The following DMKN variants were observed in gnomAD, a reference collection of about 807,000 sequenced individuals.
DMKN encodes the protein dermokine.
A neutral mutation model predicts 67.6 loss-of-function variants in DMKN; 58 were observed. That is an observed-to-expected ratio of 0.86 (90% CI 0.69 to 1.07). DMKN has a LOEUF of 1.07. DMKN is among the 50% of genes least tolerant of loss of function. DMKN has a pLI of 0.00. For synonymous variants in DMKN, 240 were observed against 232.3 expected (o/e 1.03, Z -0.30); for missense variants, 596 against 601.5 (o/e 0.99, Z 0.10).
intron 5 of DMKN, chr19:35,510,615 C>T: frequency 7.0e-7 from 1 of 1,431,394 alleles, no homozygotes; most frequent in Non-Finnish European, 9.2e-7. Flanking sequence ...GCCGTAGCTG[C>T]CTTGGTCACC....
At chr19:35,498,492 A>C in intron 15 of DMKN, 1 of 619,612 alleles carries the variant, frequency 1.6e-6, no homozygotes, top group Non-Finnish European at 2.8e-6. Flanking sequence ...TACAGGCATG[A>C]GCCACTGCAC....
chr19:35,498,988 G>A, intron 13 of DMKN, 91 bp from the exon 14 acceptor site: 1 of 1,593,422 alleles, frequency 6.3e-7, no homozygotes, highest in Non-Finnish European at 8.6e-7. Context: ...CAGCAGCAAG[G>A]GCAGGCTCAC....
intron 7 of DMKN, chr19:35,506,451 A>C: frequency 1.6e-6 from 1 of 639,768 alleles, no homozygotes. Flanking sequence ...TGTCCCCAAA[A>C]CACCTCAAGC....
chr19:35,512,872 A>C, intron 1 of DMKN, 82 bp from the exon 2 acceptor site: 2 of 1,537,572 alleles, frequency 1.3e-6, no homozygotes. Context: ...TAAAGAGACC[A>C]GGAGAGAGAC....
At chr19:35,507,404 G>T in intron 7 of DMKN, 6 of 1,493,546 alleles carry the variant, frequency 4.0e-6, no homozygotes, top group Non-Finnish European at 5.5e-6. Flanking sequence ...CAGGATCTTA[G>T]CATGCTTCAC....
intron 9 of DMKN, 74 bp downstream of exon 9, chr19:35,505,644 T>C (rs2069323400): frequency 6.3e-7 from 1 of 1,597,240 alleles, no homozygotes; most frequent in Admixed American, 1.7e-5. Context: ...AGCATCACTG[T>C]TTCCCCAGCT....
chr19:35,507,933 G>A (rs967671618), intron 7 of DMKN: 3 of 474,948 alleles, frequency 6.3e-6, no homozygotes, highest in African/African-American at 3.9e-5. Context: ...AGTAAAAAAA[G>A]GAGATGCTAG....
In DMKN at chr19:35,506,006, T is replaced by C. The variant is rs772548018; in HGVS notation, c.1039-20A>G. On this transcript the variant is annotated intron_variant, in intron 7 of 15. Transcript: ENST00000339686. ...AGAGTTCTATGGAACCAAGGAGATATGGGATGAGAGAAGAACCCACTTTGT... is the reference window on the plus strand; with the variant it reads ...AGAGTTCTATGGAACCAAGGAGATACGGGATGAGAGAAGAACCCACTTTGT... 4.7e-5 allele frequency: 76 copies of C among 1,614,022 alleles called. 1 individual carries two copies. The South Asian group carries it at 6.7e-4, about 14-fold the overall frequency.
intron 9 of DMKN, among the ~76,000 whole-genome samples, chr19:35,504,552 T>C (rs558753821): frequency 1.5e-5 from 2 of 131,512 alleles, no homozygotes; most frequent in African/African-American, 6.0e-5. Flanking sequence ...CACTCCAACC[T>C]GGGTGACAGA....
chr19:35,511,286 C>A, intron 5 of DMKN, 125 bp downstream of exon 5: 2 of 1,521,960 alleles, frequency 1.3e-6, no homozygotes, highest in Non-Finnish European at 8.9e-7. Flanking sequence ...CTCAGGGTGA[C>A]GACTATCAGC....
intron 8 of DMKN, 83 bp downstream of exon 8, chr19:35,505,856 G>A: frequency 6.2e-7 from 1 of 1,613,694 alleles, no homozygotes; most frequent in South Asian, 1.1e-5. Context: ...TGTTGGTTTA[G>A]AAAGAGGACC....
rs747631646 is a variant in DMKN, at chr19:35,513,220, C to A, written c.256G>T (p.Val86Phe). 5 of 1,614,262 alleles carry A rather than the reference C, an allele frequency of 3.1e-6. No individual in the cohort carries two copies. The highest frequency in any genetic ancestry group is 4.5e-5 in the East Asian group (2 of 44,886). The change falls in exon 1 of 16, where the codon GTT (valine) becomes TTT (phenylalanine). Residue 86 changes from valine (V) to phenylalanine (F), a missense_variant. By Grantham distance (50) the Val-to-Phe change is conservative. Coordinates refer to ENST00000339686, the MANE Select transcript of DMKN (RefSeq NM_033317.5). ...GCATCTGCTACGCCAAAGCCTGGAA[C>A]CTGCCTGACTCCAGTGCCAACTGCT... Reference protein sequence around the residue: ...REAVGTGVRQVPGFGVADALG... With the variant: ...REAVGTGVRQFPGFGVADALG...
intron 15 of DMKN, chr19:35,498,384 G>C (rs11672060): frequency 0.074 from 23,533 of 316,810 alleles, 1,222 homozygotes; most frequent in East Asian, 0.18. Context: ...GTTTTGTTTT[G>C]TTCTTTTAGA....
rs1300926332 is a variant in DMKN, at chr19:35,512,455, T to C, written c.650A>G (p.Tyr217Cys). 8 of 1,614,024 alleles carry C rather than the reference T, an allele frequency of 5.0e-6. 1 individual carries two copies. Among genetic ancestry groups the C allele is most frequent in the Non-Finnish European group, 6.8e-6 (8 of 1,179,958 alleles). ...CTGGTTGCTGGCTCTCACTGAACCA[T>C]AGCCAGGCTGGGCCACAGCTCCCTG... ...NTQGAVAQPG[Y>C]GSVRASNQNE... The change falls in exon 3 of 16, where the codon TAT becomes TGT. Residue 217 changes from tyrosine to cysteine, a missense_variant. Coordinates refer to ENST00000339686, the MANE Select transcript of DMKN (RefSeq NM_033317.5).
In DMKN at chr19:35,513,419, C is replaced by A. The variant is rs2146258318; in HGVS notation, c.57G>T (p.Gly19=). ...CTCCGCTCTGCAGGGGGCCAGCCTC[C>A]CCACTGCCCAGGCAGAGGGCCAGCA... ...CLLLALCLGS[G]EAGPLQSGEE... The change falls in exon 1 of 16, where the codon GGG becomes GGT. Residue 19 remains glycine, a synonymous_variant. Transcript: ENST00000339686. 6.2e-7 allele frequency: 1 copy of A among 1,604,132 alleles called. No homozygotes were observed.
intron 7 of DMKN, chr19:35,509,444 G>C (rs2070296659): frequency 6.5e-6 from 1 of 154,132 alleles, no homozygotes; most frequent in African/African-American, 2.4e-5. Flanking sequence ...GCGGCTAACA[G>C]GCTCAGCCCC....
intron 9 of DMKN, among the ~76,000 whole-genome samples, chr19:35,504,596 A>AAAAAG (rs2069084846): frequency 6.8e-6 from 1 of 147,764 alleles, no homozygotes; most frequent in African/African-American, 2.5e-5. Context: ...AAAAAAAAAC[A>AAAAAG]AAAGAAAGAA....
chr19:35,503,278 C>T (rs566508721), intron 9 of DMKN: 79 of 1,493,174 alleles, frequency 5.3e-5, no homozygotes, highest in Admixed American at 2.0e-4. Flanking sequence ...ACAGCGGAGA[C>T]GTAAGAAAGG....
intron 1 of DMKN, 107 bp downstream of exon 1, chr19:35,512,943 G>A (rs2071066129): frequency 1.3e-6 from 2 of 1,546,330 alleles, no homozygotes; most frequent in Non-Finnish European, 1.7e-6. Context: ...AGCTGCCCCA[G>A]AAGCCTGCAA....
Sources: gnomAD v4.1 joint callset for allele counts (sites outside exome capture counted in the v4.1 genomes callset) on GRCh38, gnomAD v4.1.1 for gene constraint, MANE v1.5 for transcripts, NCBI Gene and HGNC (gene_info 2026-07-23, HGNC 2026-07-21) for gene names.